SPTAN1: variants seen among roughly 807,000 people sequenced by gnomAD.
SPTAN1 encodes spectrin alpha, non-erythrocytic 1, also known as spectrin alpha chain, non-erythrocytic 1.
Under a neutral mutation model 331.3 loss-of-function variants are expected in SPTAN1, and 61 were observed. The ratio of observed to expected loss-of-function variants is 0.18; its 90% CI spans 0.15 to 0.23. The LOEUF (loss-of-function observed/expected upper bound fraction) is 0.23, where lower values mean the gene tolerates loss of function less well. SPTAN1 is among the 10% of genes least tolerant of loss of function. The probability of loss-of-function intolerance (pLI) is 1.00; values close to 1 mark genes in which losing one functional copy is unlikely to be tolerated. For synonymous variants in SPTAN1, 1,153 were observed against 1,173.9 expected, an observed-to-expected ratio of 0.98 and a Z score of 0.36; for missense variants, 2,043 against 3,147.9, an observed-to-expected ratio of 0.65 and a Z score of 8.40.
chr9:128,610,365 T>G lies in SPTAN1; in HGVS notation c.4773+700T>G, dbSNP rs530689469. The stretch of plus-strand genomic sequence containing the variant: ...AACAAGGAACAGAAGAAGAGGGTAA[T>G]GGGACTTTTGTCAGGATATCTGAGT... On this transcript the variant is annotated intron_variant, in intron 37 of 56. Transcript: ENST00000372739. Among the ~76,000 whole-genome samples the G allele has an allele frequency of 2.6e-5, 4 of 152,250 alleles. No individual in the cohort carries two copies. The East Asian group carries it at 7.7e-4, about 29-fold the overall frequency.
intron 30 of SPTAN1, 43 bp from the exon 31 acceptor site, chr9:128,605,253 A>G (rs780369680): frequency 3.1e-6 from 5 of 1,614,084 alleles, no homozygotes; most frequent in East Asian, 4.5e-5. Context: ...TCTGCAGAGC[A>G]TACCCCCTTA....
intron 18 of SPTAN1, among the ~76,000 whole-genome samples, 172 bp downstream of exon 18, chr9:128,585,015 C>CTTTTT (rs11382658): frequency 1.5e-5 from 2 of 133,136 alleles, no homozygotes; most frequent in African/African-American, 2.9e-5. Context: ...GCCTGAATTT[C>CTTTTT]TTTTTTTTTT....
chr9:128,605,609 C>T, intron 31 of SPTAN1, 132 bp downstream of exon 31: 1 of 1,185,260 alleles, frequency 8.4e-7, no homozygotes, highest in South Asian at 1.3e-5. Context: ...TTTGGGGGGC[C>T]AAGGCAAGCG....
chr9:128,593,977 T>C (rs375175883), intron 23 of SPTAN1, 198 bp from the exon 24 acceptor site: 17 of 634,816 alleles, frequency 2.7e-5, no homozygotes, highest in African/African-American at 8.9e-5. Flanking sequence ...CAGTACAGTG[T>C]GCGCATATCT....
At chr9:128,599,745 G>T in intron 26 of SPTAN1, 1 of 228,602 alleles carries the variant, frequency 4.4e-6, no homozygotes, top group Non-Finnish European at 8.4e-6. Context: ...TTTTTCTATA[G>T]CTATCTTTAG....
At position 128,580,954 on chromosome 9, in the gene SPTAN1, G is replaced by T; in HGVS notation, c.1356G>T (p.Leu452=). Residue 452 remains leucine (L), a synonymous_variant, in exon 11 of 57, where the codon CTG becomes CTT. Transcript: ENST00000372739. ...TCCTTTCCGAGGAGAGAGCGGCGCTGCTGGAGCTGTGGGAGCTGCGCAGGC... is the reference window on the plus strand; with the variant it reads ...TCCTTTCCGAGGAGAGAGCGGCGCTTCTGGAGCTGTGGGAGCTGCGCAGGC... ...LTVLSEERAA[L]LELWELRRQQ... The T allele has an allele frequency of 1.2e-6, 2 of 1,613,670 alleles. No homozygotes were observed. The highest frequency in any genetic ancestry group is 1.7e-6 in the Non-Finnish European group (2 of 1,180,042).
chr9:128,633,641 A>G lies in SPTAN1; in HGVS notation c.*307A>G. Reference sequence around the variant, plus strand: ...AAATCTGTTTTCATGTAAAAGACAAATAAATGATGACTTCCCCCAAAGCTT... The same window carrying G: ...AAATCTGTTTTCATGTAAAAGACAAGTAAATGATGACTTCCCCCAAAGCTT... On this transcript the variant is annotated 3_prime_UTR_variant, in exon 57 of 57. Transcript: ENST00000372739. The G allele has an allele frequency of 1.5e-6, 2 of 1,376,622 alleles. No individual in the cohort carries two copies. 85.3% of individuals were successfully genotyped at this position (1,376,622 alleles called of 1,614,324 possible). A position where few individuals can be genotyped will look rare whatever the true frequency, so the allele number is the denominator to read the frequency against.
intron 44 of SPTAN1, among the ~76,000 whole-genome samples, chr9:128,619,547 A>G (rs1415919702): frequency 1.3e-5 from 2 of 152,142 alleles, no homozygotes; most frequent in Non-Finnish European, 2.9e-5. Context: ...TCACGTAGCC[A>G]TCTTCCCTCT....
chr9:128,598,985 G>T lies in SPTAN1; in HGVS notation c.3542G>T (p.Arg1181Met), dbSNP rs1854686043. ...QQQEVYGMMP[R>M]DETDSKTASP... ...TAGGAAGTGTATGGCATGATGCCCA[G>T]GGTAAGTTTCGGGTGCTGTGTGTGG... The change falls in exon 26 of 57, where the codon AGG becomes ATG. Residue 1181 changes from arginine (R) to methionine (M), a missense_variant and splice_region_variant. Arg to Met is a moderately conservative substitution (Grantham distance 91). This residue lies in a region of SPTAN1 where 1,038 missense variants were observed against 1,531.5 expected (regional missense o/e 0.68). Coordinates refer to ENST00000372739, the MANE Select transcript of SPTAN1 (RefSeq NM_001130438.3). 2.5e-6 allele frequency: 4 copies of T among 1,614,014 alleles called. No individual in the cohort carries two copies. The South Asian group carries it at 3.3e-5, about 13-fold the overall frequency.
chr9:128,597,602 G>A (rs1234991044), intron 24 of SPTAN1, among the ~76,000 whole-genome samples: 1 of 152,132 alleles, frequency 6.6e-6, no homozygotes, highest in Non-Finnish European at 1.5e-5. Context: ...CAATCCATAG[G>A]GATACCTGTT....
chr9:128,581,030 C>G lies in SPTAN1; in HGVS notation c.1432C>G (p.Gln478Glu). ...DLQLFYRDTE[Q>E]VDNWMSKQEA... ...GCAGCTCTTCTACCGGGACACTGAG[C>G]AGGTGGACAACTGGATGAGCAAGCA... Residue 478 changes from glutamine (Q) to glutamate (E), a missense_variant, in exon 11 of 57, where the codon CAG becomes GAG. Transcript: ENST00000372739. The G allele has an allele frequency of 6.2e-7, 1 of 1,614,104 alleles. No homozygotes were observed. Among genetic ancestry groups the G allele is most frequent in the Non-Finnish European group, 8.5e-7 (1 of 1,180,038 alleles).
chr9:128,583,844 A>G lies in SPTAN1; in HGVS notation c.2068A>G (p.Ile690Val). The G allele has an allele frequency of 1.9e-6, 3 of 1,614,210 alleles. No individual in the cohort carries two copies. Among genetic ancestry groups the G allele is most frequent in the Non-Finnish European group, 1.7e-6 (2 of 1,180,044 alleles). The change falls in exon 16 of 57, where the codon ATT becomes GTT. Residue 690 changes from isoleucine to valine, a missense_variant. Ile to Val is a conservative substitution (Grantham distance 29, BLOSUM62 3). Coordinates refer to ENST00000372739, the MANE Select transcript of SPTAN1 (RefSeq NM_001130438.3). ...QQQFNRNVED[I>V]ELWLYEVEGH... The stretch of plus-strand genomic sequence containing the variant: ...GCAATTTAATCGCAATGTTGAGGAT[A>G]TTGAATTGTGGCTATATGAAGTAGA...
In SPTAN1 at chr9:128,608,036, G is replaced by A. The variant is rs1856115380; in HGVS notation, c.4331G>A (p.Cys1444Tyr). 4 of 1,614,002 alleles carry A rather than the reference G, an allele frequency of 2.5e-6. No homozygotes were observed. Among genetic ancestry groups the A allele is most frequent in the African/African-American group, 1.3e-5 (1 of 74,902 alleles). ...CAGCGCAGGATGATGCTGGATCAGT[G>A]CCTTGAACTGCAGGTGTGTGTGCTC... ...WVQRRMMLDQ[C>Y]LELQLFHRDC... is the part of the protein sequence containing the mutation. The change falls in exon 33 of 57, where the codon TGC becomes TAC. Residue 1444 changes from cysteine to tyrosine, a missense_variant. Physicochemically the swap from Cys to Tyr is radical, Grantham distance 194. This residue lies in a region of SPTAN1 where 179 missense variants were observed against 215.7 expected (regional missense o/e 0.83). Transcript: ENST00000372739.
chr9:128,606,307 G>A (rs770897817), intron 31 of SPTAN1, among the ~76,000 whole-genome samples: 1 of 142,000 alleles, frequency 7.0e-6, no homozygotes, highest in African/African-American at 2.6e-5. Flanking sequence ...ACCTGGAGGC[G>A]GAGGTTGCAG....
chr9:128,601,592 A>G (rs1855161776), intron 27 of SPTAN1, among the ~76,000 whole-genome samples: 2 of 152,212 alleles, frequency 1.3e-5, no homozygotes, highest in South Asian at 4.1e-4. Flanking sequence ...AAAGAAGAAG[A>G]AAAAAAGTAG....
chr9:128,586,768 A>AC (rs1361750490), intron 19 of SPTAN1, among the ~76,000 whole-genome samples: 1 of 151,350 alleles, frequency 6.6e-6, no homozygotes, highest in Non-Finnish European at 1.5e-5. Context: ...TAGTTCCTGT[A>AC]CCTAGCTCTT....
At chr9:128,556,843 A>G (rs1309905120) in intron 1 of SPTAN1, among the ~76,000 whole-genome samples, 1 of 152,222 alleles carries the variant, frequency 6.6e-6, no homozygotes, top group Non-Finnish European at 1.5e-5. Flanking sequence ...TAAAATCTGC[A>G]GCTAAGCTGG....
intron 48 of SPTAN1, 105 bp from the exon 49 acceptor site, chr9:128,626,284 CTG>C: frequency 7.4e-7 from 1 of 1,359,794 alleles, no homozygotes. Context: ...TCCCAGCAGG[CTG>C]TGTGCGCCTC....
At chr9:128,630,172 T>G in intron 51 of SPTAN1, 149 bp from the exon 52 acceptor site, 12 of 834,422 alleles carry the variant, frequency 1.4e-5, no homozygotes, top group East Asian at 2.5e-5. Context: ...CTGGGGCCCA[T>G]TAGGTAAAGA....
Sources: gnomAD v4.1 joint callset for allele counts (sites outside exome capture counted in the v4.1 genomes callset) on GRCh38, gnomAD v4.1.1 for gene constraint, gnomAD v4.1.1 regional missense constraint, MANE v1.5 for transcripts, NCBI Gene and HGNC (gene_info 2026-07-23, HGNC 2026-07-21) for gene names.